PHACTR1: variants seen among roughly 807,000 people sequenced by gnomAD.
PHACTR1 encodes phosphatase and actin regulator 1.
Under a neutral mutation model 69.2 loss-of-function variants are expected in PHACTR1, and 16 were observed. That is an observed-to-expected ratio of 0.23 (90% CI 0.16 to 0.35). The LOEUF is 0.35. Among genes scored for constraint, PHACTR1 ranks in the 10% least tolerant of loss-of-function variants. The pLI, the probability that PHACTR1 is intolerant of heterozygous loss-of-function variation, is 1.00. For missense variants in PHACTR1, 510 were observed against 734.7 expected (o/e 0.69, Z 3.54); for synonymous variants, 312 against 284.5 (o/e 1.10, Z -0.97).
intron 4 of PHACTR1, among the ~76,000 whole-genome samples, chr6:12,980,858 G>A (rs1388989473): frequency 6.6e-6 from 1 of 152,068 alleles, no homozygotes; most frequent in Non-Finnish European, 1.5e-5. Context: ...CCCCAAGTAG[G>A]ACTGAATCTG....
intron 3 of PHACTR1, among the ~76,000 whole-genome samples, chr6:12,748,607 T>G (rs1017438668): frequency 2.0e-5 from 3 of 152,326 alleles, no homozygotes; most frequent in Non-Finnish European, 4.4e-5. Context: ...GTTCTTCTGC[T>G]GTGTTACAGG....
chr6:12,819,827 T>C (rs1192443670), intron 4 of PHACTR1, among the ~76,000 whole-genome samples: 3 of 152,206 alleles, frequency 2.0e-5, no homozygotes, highest in African/African-American at 7.2e-5. Flanking sequence ...AAGCCACTTC[T>C]ATAGGTCAGG....
At position 13,283,188 on chromosome 6, in the gene PHACTR1, A is replaced by C; in HGVS notation, c.1510-234A>C. On this transcript the variant is annotated intron_variant, in intron 12 of 14. Transcript: ENST00000332995. The surrounding 1 kb of genome is among the most constrained non-coding windows in gnomAD (Gnocchi z 4.7). Reference sequence around the variant, plus strand: ...AAAAAAAGAGCTTGGCCTAGAGGGTATGTAAGGGATAACAAAGCTCTCTCT... The same window carrying C: ...AAAAAAAGAGCTTGGCCTAGAGGGTCTGTAAGGGATAACAAAGCTCTCTCT... 1 of 455,040 alleles carries C rather than the reference A, an allele frequency of 2.2e-6. No individual in the cohort carries two copies. The allele number at this position is 455,040 out of a possible 1,614,324, so 28.2% of individuals were successfully genotyped here.
At chr6:12,795,863 A>T (rs1216695535) in intron 4 of PHACTR1, among the ~76,000 whole-genome samples, 1 of 133,488 alleles carries the variant, frequency 7.5e-6, no homozygotes, top group Non-Finnish European at 1.6e-5. Flanking sequence ...GTCTCCTCTT[A>T]GCCAGACCTT....
chr6:12,808,036 GACCTAATGAGTCC>G (rs1240492464), intron 4 of PHACTR1, among the ~76,000 whole-genome samples: 1 of 152,076 alleles, frequency 6.6e-6, no homozygotes, highest in African/African-American at 2.4e-5. Flanking sequence ...TAGTCTACTG[GACCTAATGAGTCC>G]ACCTAATGAG....
intron 7 of PHACTR1, among the ~76,000 whole-genome samples, chr6:13,183,277 C>T (rs1206663944): frequency 2.6e-5 from 4 of 152,124 alleles, no homozygotes; most frequent in Non-Finnish European, 4.4e-5. Context: ...GTTTGCAGAG[C>T]GGTCCTAATT....
intron 10 of PHACTR1, among the ~76,000 whole-genome samples, chr6:13,260,210 C>T (rs980081516): frequency 7.9e-5 from 12 of 152,150 alleles, no homozygotes; most frequent in Non-Finnish European, 1.3e-4. Flanking sequence ...TCTTCATGTA[C>T]GCAGGTATCA....
chr6:13,249,283 C>T (rs1167620577), intron 10 of PHACTR1, among the ~76,000 whole-genome samples: 1 of 152,020 alleles, frequency 6.6e-6, no homozygotes, highest in South Asian at 2.1e-4. Context: ...TGAGGGATCT[C>T]GGTTTCACGT....
At chr6:12,810,291 A>G (rs1258983625) in intron 4 of PHACTR1, among the ~76,000 whole-genome samples, 40 of 152,140 alleles carry the variant, frequency 2.6e-4, no homozygotes, top group Admixed American at 2.6e-3. Flanking sequence ...ATGCCAAAGT[A>G]TTCTTTTTTC....
At chr6:13,195,962 G>C (rs112889473) in intron 7 of PHACTR1, among the ~76,000 whole-genome samples, 9 of 152,016 alleles carry the variant, frequency 5.9e-5, no homozygotes, top group African/African-American at 2.2e-4. Context: ...GCCCTCTTGG[G>C]TTTTATGGCT....
rs1321464821 is a variant in PHACTR1 at position 13,187,822 on chromosome 6, A to AT, written c.664+5136_664+5137insT. Among the ~76,000 whole-genome samples, 714 of 152,340 alleles carry AT rather than the reference A, an allele frequency of 4.7e-3. 4 individuals carry two copies. The highest frequency in any genetic ancestry group is 0.017 in the African/African-American group (686 of 41,572). On this transcript the variant is annotated intron_variant, in intron 7 of 14. Coordinates refer to ENST00000332995, the MANE Select transcript of PHACTR1 (RefSeq NM_030948.6). ...CCAGTCATTGAAATATGAGCTAACA[A>AT]GCATCTGACTGATATCAGTGAGAAG...
At chr6:13,210,694 A>C (rs942656250) in intron 8 of PHACTR1, among the ~76,000 whole-genome samples, 11 of 152,154 alleles carry the variant, frequency 7.2e-5, no homozygotes, top group Admixed American at 2.0e-4. Flanking sequence ...ATTTGTAAGG[A>C]TCAGATTATT....
chr6:13,147,460 T>C (rs1389459536), intron 5 of PHACTR1, among the ~76,000 whole-genome samples: 2 of 152,214 alleles, frequency 1.3e-5, no homozygotes, highest in African/African-American at 2.4e-5. Context: ...AATCCTTACT[T>C]CTGTAAAATT....
chr6:13,282,539 G>A (rs938179609), intron 12 of PHACTR1, among the ~76,000 whole-genome samples: 5 of 152,040 alleles, frequency 3.3e-5, no homozygotes, highest in African/African-American at 7.2e-5. Context: ...ACTCAACTCC[G>A]CATTTGTTGA....
intron 5 of PHACTR1, among the ~76,000 whole-genome samples, chr6:13,134,352 G>A (rs7773940): frequency 0.03 from 4,537 of 152,340 alleles, 212 homozygotes; most frequent in African/African-American, 0.1. Flanking sequence ...CGAGTGGAAG[G>A]TGGGGAAGTG....
intron 4 of PHACTR1, among the ~76,000 whole-genome samples, chr6:12,996,797 C>T (rs888578734): frequency 2.6e-5 from 4 of 152,256 alleles, no homozygotes; most frequent in East Asian, 1.9e-4. Context: ...AATTTATGAA[C>T]GTAAATTAAA....
intron 4 of PHACTR1, among the ~76,000 whole-genome samples, chr6:13,044,373 C>T (rs1804687862): frequency 1.3e-5 from 2 of 152,180 alleles, no homozygotes; most frequent in Non-Finnish European, 2.9e-5. Context: ...TTTGATTAGG[C>T]TTAGAGCCTA....
chr6:12,794,458 T>C (rs2127666979), intron 4 of PHACTR1, among the ~76,000 whole-genome samples: 1 of 152,352 alleles, frequency 6.6e-6, no homozygotes, highest in Non-Finnish European at 1.5e-5. Context: ...AGCCTGAATA[T>C]GCTGGGCATA....
intron 4 of PHACTR1, among the ~76,000 whole-genome samples, chr6:13,002,105 A>G (rs1798161475): frequency 6.6e-6 from 1 of 152,324 alleles, no homozygotes; most frequent in Non-Finnish European, 1.5e-5. Flanking sequence ...CCCTTCCTTC[A>G]TGAGTCACCT....
Sources: allele counts gnomAD v4.1 joint callset (sites outside exome capture counted in the v4.1 genomes callset), GRCh38; gene constraint gnomAD v4.1.1; non-coding constraint Gnocchi (gnomAD v3.1); transcripts MANE v1.5; gene names NCBI Gene and HGNC (gene_info 2026-07-23, HGNC 2026-07-21).